The following VPS39 variants were observed in gnomAD, a reference collection of about 807,000 sequenced individuals.
The protein encoded by VPS39 is VPS39 subunit of HOPS complex, also known as vam6/Vps39-like protein.
In VPS39, 70 loss-of-function variants were observed where a neutral mutation model predicts 121.0. The observed-to-expected ratio is 0.58, with a 90% CI of 0.48 to 0.71. The LOEUF is 0.71. VPS39 is among the 30% of genes least tolerant of loss of function. The pLI, the probability that VPS39 is intolerant of heterozygous loss-of-function variation, is 0.00. For missense variants in VPS39, 818 were observed against 1,051.5 expected, an observed-to-expected ratio of 0.78 and a Z score of 3.07; for synonymous variants, 378 against 398.1, an observed-to-expected ratio of 0.95 and a Z score of 0.60.
At chr15:42,190,158 T>C (rs2049797680) in intron 4 of VPS39, among the ~76,000 whole-genome samples, 1 of 152,196 alleles carries the variant, frequency 6.6e-6, no homozygotes, top group African/African-American at 2.4e-5. Flanking sequence ...TGAAATATTA[T>C]GATGCAGTAT....
chr15:42,184,605 G>T lies in VPS39; in HGVS notation c.630C>A (p.Gly210=). The T allele has an allele frequency of 6.2e-7, 1 of 1,614,098 alleles. No individual in the cohort carries two copies. Among genetic ancestry groups the T allele is most frequent in the South Asian group, 1.1e-5 (1 of 91,080 alleles). ...TGAGTACCACGGTGAGATCATCCTG[G>T]CCCACAGCCACTTTTCCATCTGCCA... ...APLADGKVAV[G]QDDLTVVLNE... The change falls in exon 8 of 25, where the codon GGC becomes GGA. Residue 210 remains glycine (G), a synonymous_variant. Coordinates refer to ENST00000318006, the MANE Select transcript of VPS39 (RefSeq NM_015289.5).
At chr15:42,191,305 A>T in intron 3 of VPS39, 138 bp from the exon 4 acceptor site, 1 of 1,167,398 alleles carries the variant, frequency 8.6e-7, no homozygotes, top group South Asian at 1.4e-5. Context: ...TGGGCACTAT[A>T]ATTTCTGTGA....
chr15:42,165,939 G>A, intron 16 of VPS39, 123 bp from the exon 17 acceptor site: 2 of 981,464 alleles, frequency 2.0e-6, no homozygotes, highest in Non-Finnish European at 3.1e-6. Flanking sequence ...GAAGGCATCT[G>A]TAGGCAGTCA....
intron 1 of VPS39, among the ~76,000 whole-genome samples, chr15:42,205,161 T>G (rs1044270622): frequency 6.6e-6 from 1 of 152,180 alleles, no homozygotes; most frequent in Non-Finnish European, 1.5e-5. Flanking sequence ...AGTCAGGAAA[T>G]GTTTTAGGTA....
chr15:42,162,201 G>A (rs576738043), intron 22 of VPS39, 35 bp from the exon 23 acceptor site: 10 of 1,612,802 alleles, frequency 6.2e-6, no homozygotes, highest in Non-Finnish European at 8.5e-6. Context: ...ACTGGGTGAG[G>A]TGAACAGGAG....
chr15:42,204,762 A>G (rs932581461), intron 1 of VPS39, among the ~76,000 whole-genome samples: 1 of 152,172 alleles, frequency 6.6e-6, no homozygotes, highest in Non-Finnish European at 1.5e-5. Context: ...TCTAGTTTCT[A>G]TCATTGTCCA....
At position 42,201,716 on chromosome 15, in the gene VPS39, A is replaced by C. The variant is rs180789920; in HGVS notation, c.74-1755T>G. On this transcript the variant is annotated intron_variant, in intron 1 of 24. Transcript: ENST00000318006. ...TCTAGGTAAAAAGAGGCTCAGAAAG[A>C]GTTTAAATAATTACCCTGACAGACC... Among the ~76,000 whole-genome samples, 8 of 152,324 alleles carry C rather than the reference A, an allele frequency of 5.3e-5. No homozygotes were observed. The East Asian group carries it at 1.5e-3, about 29-fold the overall frequency.
intron 11 of VPS39, among the ~76,000 whole-genome samples, chr15:42,170,220 CA>C (rs917315892): frequency 9.9e-5 from 15 of 150,960 alleles, no homozygotes; most frequent in African/African-American, 3.4e-4. Context: ...AAATTTAAGT[CA>C]AAAAAAGAAA....
At chr15:42,164,949 T>C in intron 18 of VPS39, 47 bp downstream of exon 18, 1 of 1,611,668 alleles carries the variant, frequency 6.2e-7, no homozygotes, top group East Asian at 2.2e-5. Context: ...GGGTCTGTGC[T>C]CTCCTCTAAG....
chr15:42,162,789 C>G, intron 21 of VPS39: 1 of 256,188 alleles, frequency 3.9e-6, no homozygotes, highest in Non-Finnish European at 7.4e-6. Context: ...GCTTTAAAAG[C>G]TGAGACTCCG....
intron 10 of VPS39, among the ~76,000 whole-genome samples, chr15:42,175,351 C>T (rs565242419): frequency 4.7e-5 from 7 of 148,140 alleles, no homozygotes; most frequent in South Asian, 2.1e-4. Context: ...GAGGTTGCAG[C>T]GAGCTGAGAT....
At chr15:42,189,910 C>T (rs1399668169) in intron 4 of VPS39, among the ~76,000 whole-genome samples, 1 of 142,270 alleles carries the variant, frequency 7.0e-6, no homozygotes, top group African/African-American at 2.6e-5. Context: ...CTCCTTGAGA[C>T]TCAAGTGATC....
At position 42,208,108 on chromosome 15, in the gene VPS39, G is replaced by A; in HGVS notation, c.46C>T (p.Leu16=). Residue 16 remains leucine (L), a synonymous_variant, in exon 1 of 25, where the codon CTG becomes TTG. Coordinates refer to ENST00000318006, the MANE Select transcript of VPS39 (RefSeq NM_015289.5). ...EPVPILEKLP[L]QIDCLAAWEE... is the part of the protein sequence containing the mutation. ...CAGGCAGCCAGACAGTCGATTTGCA[G>A]AGGCAGCTTTTCTAGGATCGGCACT... The A allele has an allele frequency of 6.3e-7, 1 of 1,590,640 alleles. No homozygotes were observed. The highest frequency in any genetic ancestry group is 8.6e-7 in the Non-Finnish European group (1 of 1,168,008).
intron 2 of VPS39, among the ~76,000 whole-genome samples, chr15:42,193,970 C>T (rs2049882810): frequency 6.6e-6 from 1 of 152,018 alleles, no homozygotes. Context: ...GTAACTCAAT[C>T]ACATAAGCAT....
chr15:42,198,274 T>C (rs183607916), intron 2 of VPS39, among the ~76,000 whole-genome samples: 26 of 152,374 alleles, frequency 1.7e-4, no homozygotes, highest in African/African-American at 6.0e-4. Flanking sequence ...TTTTTAGCTT[T>C]AAAATTAAAA....
intron 15 of VPS39, 28 bp downstream of exon 15, chr15:42,166,535 T>A: frequency 6.2e-7 from 1 of 1,612,734 alleles, no homozygotes; most frequent in African/African-American, 1.3e-5. Flanking sequence ...AGGAGCGCTT[T>A]CCCACCCCTT....
chr15:42,159,384 A>T lies in VPS39; in HGVS notation c.*1370T>A, dbSNP rs1168848940. 1 of 152,172 alleles carries T rather than the reference A, an allele frequency of 6.6e-6. No homozygotes were observed. Among genetic ancestry groups the T allele is most frequent in the Non-Finnish European group, 1.5e-5 (1 of 68,128 alleles). 9.4% of individuals were successfully genotyped at this position (152,172 alleles called of 1,614,324 possible). A position where few individuals can be genotyped will look rare whatever the true frequency, so the allele number is the denominator to read the frequency against. On this transcript the variant is annotated 3_prime_UTR_variant, in exon 25 of 25. Transcript: ENST00000318006. ...ACCCACCCTCACCACCATCAAAGAC[A>T]CTGGTGCAGTGAGACTTCGAGTCTG...
At chr15:42,173,177 A>G (rs1211669364) in intron 11 of VPS39, among the ~76,000 whole-genome samples, 1 of 152,236 alleles carries the variant, frequency 6.6e-6, no homozygotes, top group African/African-American at 2.4e-5. Context: ...GCAGCACTCT[A>G]AAGCAAGCAG....
At chr15:42,188,787 C>A (rs556945222) in intron 5 of VPS39, among the ~76,000 whole-genome samples, 2 of 152,116 alleles carry the variant, frequency 1.3e-5, no homozygotes, top group Non-Finnish European at 2.9e-5. Context: ...CATGGTGAAA[C>A]CCCATCTCTA....
Sources: gnomAD v4.1 joint callset for allele counts (sites outside exome capture counted in the v4.1 genomes callset) on GRCh38, gnomAD v4.1.1 for gene constraint, MANE v1.5 for transcripts, NCBI Gene and HGNC (gene_info 2026-07-23, HGNC 2026-07-21) for gene names.